TNIK: variants seen among roughly 807,000 people sequenced by gnomAD.
The protein encoded by TNIK is TRAF2 and NCK interacting kinase.
TNIK carries 49 observed loss-of-function variants against 191.3 expected under a neutral mutation model. The ratio of observed to expected loss-of-function variants is 0.26; its 90% CI spans 0.20 to 0.32. TNIK has a LOEUF of 0.32. Ranked by LOEUF, TNIK falls within the 10% of genes least tolerant of loss-of-function variation. The pLI is 1.00. For synonymous variants in TNIK, 594 were observed against 600.9 expected (o/e 0.99, Z 0.17); for missense variants, 1,155 against 1,702.3 (o/e 0.68, Z 5.66).
At chr3:171,311,133 C>CAG (rs140290391) in intron 2 of TNIK, among the ~76,000 whole-genome samples, 3 of 151,506 alleles carry the variant, frequency 2.0e-5, no homozygotes, top group South Asian at 4.2e-4. Context: ...CACAGTATAG[C>CAG]AGAGAGAGAG....
intron 7 of TNIK, among the ~76,000 whole-genome samples, chr3:171,180,600 A>C (rs561564253): frequency 4.6e-5 from 7 of 152,336 alleles, no homozygotes; most frequent in African/African-American, 1.7e-4. Context: ...ACATGAGAGA[A>C]CGTAGCAAAA....
chr3:171,329,899 T>A (rs1336651715), intron 2 of TNIK, among the ~76,000 whole-genome samples: 1 of 152,216 alleles, frequency 6.6e-6, no homozygotes, highest in African/African-American at 2.4e-5. Context: ...ATTTTTCACT[T>A]ACAAGCCTCC....
intron 30 of TNIK, 25 bp from the exon 31 acceptor site, chr3:171,066,760 A>ATT: frequency 6.2e-7 from 1 of 1,602,432 alleles, no homozygotes. Context: ...AAAGCCAAGC[A>ATT]TTATTCTTTT....
chr3:171,205,825 T>G (rs912253502), intron 4 of TNIK, among the ~76,000 whole-genome samples: 22 of 152,202 alleles, frequency 1.4e-4, no homozygotes, highest in Non-Finnish European at 2.6e-4. Flanking sequence ...GGTTGCAGAC[T>G]GTTAACTTCT....
chr3:171,264,893 G>T (rs1748180334), intron 2 of TNIK, among the ~76,000 whole-genome samples: 1 of 152,194 alleles, frequency 6.6e-6, no homozygotes, highest in Non-Finnish European at 1.5e-5. Context: ...GTTCACCCAT[G>T]GTATTTCAGA....
intron 5 of TNIK, among the ~76,000 whole-genome samples, chr3:171,191,533 C>T (rs533690489): frequency 2.3e-4 from 35 of 152,318 alleles, no homozygotes; most frequent in African/African-American, 6.0e-4. Context: ...CCACAGCACC[C>T]GGCCTTGTTA....
At chr3:171,422,434 C>T (rs1268896774) in intron 1 of TNIK, among the ~76,000 whole-genome samples, 1 of 152,038 alleles carries the variant, frequency 6.6e-6, no homozygotes, top group Non-Finnish European at 1.5e-5. Context: ...CAACTGTAAA[C>T]ATAAAGACAA....
intron 2 of TNIK, among the ~76,000 whole-genome samples, chr3:171,293,766 T>TAAAAA (rs1751953097): frequency 6.6e-6 from 1 of 152,158 alleles, no homozygotes; most frequent in Non-Finnish European, 1.5e-5. Context: ...TCAAAATTCA[T>TAAAAA]AAAAAATAAC....
At chr3:171,093,742 C>T (rs55695221) in intron 23 of TNIK, 97 bp downstream of exon 23, 125,965 of 1,486,764 alleles carry the variant, frequency 0.085, 5,828 homozygotes, top group African/African-American at 0.13. Flanking sequence ...ATTCCCCATA[C>T]TTAAAATACA....
intron 20 of TNIK, 28 bp downstream of exon 20, chr3:171,108,037 C>G: frequency 6.5e-7 from 1 of 1,549,774 alleles, no homozygotes; most frequent in Non-Finnish European, 8.7e-7. Context: ...ATTAAGAGTT[C>G]AAAACTCTTG....
intron 20 of TNIK, 62 bp downstream of exon 20, chr3:171,108,003 T>C (rs1001380805): frequency 6.6e-7 from 1 of 1,522,554 alleles, no homozygotes; most frequent in Non-Finnish European, 8.9e-7. Flanking sequence ...CCCCAACTAC[T>C]TAATCCTGTG....
chr3:171,264,644 C>T (rs544334709), intron 2 of TNIK, among the ~76,000 whole-genome samples: 5 of 152,246 alleles, frequency 3.3e-5, no homozygotes, highest in Admixed American at 3.3e-4. Flanking sequence ...ATCCCGGGTT[C>T]CCTCACACTC....
At position 171,167,362 on chromosome 3, in the gene TNIK, T is replaced by A. The variant is rs564617900; in HGVS notation, c.774-92A>T. ...CTGAAATGCTGGGACTTTTTCTTTT[T>A]TTAAGGTCCAATTGGCTGGCATAGG... On this transcript the variant is annotated intron_variant, in intron 9 of 32. Transcript: ENST00000436636. 2.0e-6 allele frequency: 3 copies of A among 1,485,506 alleles called. No individual in the cohort carries two copies. In the East Asian group the frequency reaches 7.0e-5, roughly 34 times the overall value. The allele number at this position is 1,485,506 out of a possible 1,614,324, so 92.0% of individuals were successfully genotyped here.
intron 2 of TNIK, among the ~76,000 whole-genome samples, chr3:171,230,880 T>C (rs1192296264): frequency 1.3e-5 from 2 of 152,140 alleles, no homozygotes; most frequent in South Asian, 4.1e-4. Flanking sequence ...AGCCCAACCT[T>C]TTCCCCAAAT....
At chr3:171,079,054 A>G (rs551459354) in intron 28 of TNIK, among the ~76,000 whole-genome samples, 1 of 152,282 alleles carries the variant, frequency 6.6e-6, no homozygotes, top group African/African-American at 2.4e-5. Flanking sequence ...TCCACCTGAG[A>G]TTCCCCTGGG....
At chr3:171,385,875 G>C (rs953236746) in intron 1 of TNIK, among the ~76,000 whole-genome samples, 24 of 152,146 alleles carry the variant, frequency 1.6e-4, no homozygotes, top group African/African-American at 5.6e-4. Context: ...AACACACATG[G>C]CTATGACAAA....
At chr3:171,083,665 T>C (rs1407068986) in intron 26 of TNIK, among the ~76,000 whole-genome samples, 1 of 152,226 alleles carries the variant, frequency 6.6e-6, no homozygotes, top group Admixed American at 6.5e-5. Context: ...ATTGCTAGGG[T>C]TATGACCTTT....
chr3:171,300,149 T>G (rs1485210275), intron 2 of TNIK, among the ~76,000 whole-genome samples: 4 of 152,240 alleles, frequency 2.6e-5, no homozygotes, highest in Non-Finnish European at 5.9e-5. Flanking sequence ...GTTTCTGACT[T>G]GGGAGTGAGG....
intron 2 of TNIK, among the ~76,000 whole-genome samples, chr3:171,329,575 T>C (rs778821426): frequency 8.6e-5 from 13 of 152,028 alleles, no homozygotes; most frequent in Non-Finnish European, 1.5e-5. Context: ...AAAAATTAAA[T>C]CCCTAAGCAC....
Sources: allele counts gnomAD v4.1 joint callset (sites outside exome capture counted in the v4.1 genomes callset), GRCh38; gene constraint gnomAD v4.1.1; transcripts MANE v1.5; gene names NCBI Gene and HGNC (gene_info 2026-07-23, HGNC 2026-07-21).